Variants in QTRT1 observed in about 807,000 individuals in gnomAD.
The protein encoded by QTRT1 is TGT, 43-KD subunit.
In QTRT1, 41 loss-of-function variants were observed where a neutral mutation model predicts 44.0. That is an observed-to-expected ratio of 0.93 (90% confidence interval 0.73 to 1.21). The LOEUF is 1.21. QTRT1 is among the 50% of genes most tolerant of loss of function. The pLI, the probability that QTRT1 is intolerant of heterozygous loss-of-function variation, is 0.00. For synonymous variants in QTRT1, 226 were observed against 237.1 expected, an observed-to-expected ratio of 0.95 and a Z score of 0.43; for missense variants, 542 against 575.8, an observed-to-expected ratio of 0.94 and a Z score of 0.60.
At position 10,707,563 on chromosome 19, in the gene QTRT1, C is replaced by T. The variant is rs759779117; in HGVS notation, c.594C>T (p.Phe198=). The change falls in exon 5 of 10, where the codon TTC becomes TTT. Residue 198 remains phenylalanine, a synonymous_variant. Coordinates refer to ENST00000250237, the MANE Select transcript of QTRT1 (RefSeq NM_031209.3). ...AGCGGCCGGACAAGCAGAACCTCTT[C>T]GCCATTATCCAGGGTGGGCTGGACG... ...AHQRPDKQNL[F]AIIQGGLDAD... The T allele has an allele frequency of 5.0e-6, 8 of 1,612,546 alleles. No individual in the cohort carries two copies. Among genetic ancestry groups the T allele is most frequent in the Admixed American group, 1.7e-5 (1 of 59,930 alleles).
chr19:10,712,435 G>A lies in QTRT1; in HGVS notation c.786-118G>A, dbSNP rs1248593941. 2 of 1,440,388 alleles carry A rather than the reference G, an allele frequency of 1.4e-6. No individual in the cohort carries two copies. The highest frequency in any genetic ancestry group is 1.9e-6 in the Non-Finnish European group (2 of 1,034,330). 89.2% of individuals were successfully genotyped at this position (1,440,388 alleles called of 1,614,324 possible). A position where few individuals can be genotyped will look rare whatever the true frequency, so the allele number is the denominator to read the frequency against. The stretch of plus-strand genomic sequence containing the variant: ...CTGAGGAGACTAGGAAGACATGGCT[G>A]TCCCTTGGGGGCCATTCTGAGGGAA... On this transcript the variant is annotated intron_variant, in intron 6 of 9. Transcript: ENST00000250237. This position sits in a 1 kb window ranked among gnomAD's most constrained non-coding sequence, Gnocchi z 5.6.
rs962252182 is a variant in QTRT1, at chr19:10,712,218, G to A, written c.704G>A (p.Ser235Asn). 6.2e-7 allele frequency: 1 copy of A among 1,613,902 alleles called. No individual in the cohort carries two copies. The highest frequency in any genetic ancestry group is 8.5e-7 in the Non-Finnish European group (1 of 1,180,052). The stretch of plus-strand genomic sequence containing the variant: ...ATCGGGGGCCTGAGCGGGGGTGAGA[G>A]CAAGTCGCAGTTCTGGCGGATGGTG... ...FAIGGLSGGE[S>N]KSQFWRMVAL... Residue 235 changes from serine (S) to asparagine (N), a missense_variant, in exon 6 of 10, where the codon AGC becomes AAC. By Grantham distance (46) the Ser-to-Asn change is conservative (BLOSUM62 1). Coordinates refer to ENST00000250237, the MANE Select transcript of QTRT1 (RefSeq NM_031209.3). The surrounding 1 kb of genome is among the most constrained non-coding windows in gnomAD (Gnocchi z 5.6).
intron 3 of QTRT1, among the ~76,000 whole-genome samples, chr19:10,705,646 C>T (rs888659956): frequency 6.6e-6 from 1 of 151,834 alleles, no homozygotes; most frequent in South Asian, 2.1e-4. Flanking sequence ...AGCGATTCTC[C>T]TGCCTCAGCC....
At position 10,707,369 on chromosome 19, in the gene QTRT1, G is replaced by A; in HGVS notation, c.519G>A (p.Glu173=). ...CTGTGACTGGGCCACGTGTGGAGGA[G>A]GCCATGTACAGGTGTGTATATGCTG... The part of the protein sequence containing the change: ...SSTVTGPRVE[E]AMYRSIRWLD... The change falls in exon 4 of 10, where the codon GAG becomes GAA. Residue 173 remains glutamate (E), a synonymous_variant. Coordinates refer to ENST00000250237, the MANE Select transcript of QTRT1 (RefSeq NM_031209.3). 1 of 1,613,980 alleles carries A rather than the reference G, an allele frequency of 6.2e-7. No homozygotes were observed. The highest frequency in any genetic ancestry group is 8.5e-7 in the Non-Finnish European group (1 of 1,179,942).
At chr19:10,701,806 A>G in intron 1 of QTRT1, 103 bp downstream of exon 1, 2 of 1,566,902 alleles carry the variant, frequency 1.3e-6, no homozygotes, top group Non-Finnish European at 1.7e-6. Context: ...TCAATCGACC[A>G]GCTGTATTGA....
intron 3 of QTRT1, among the ~76,000 whole-genome samples, chr19:10,705,231 G>A (rs1055717812): frequency 4.2e-5 from 6 of 142,198 alleles, no homozygotes; most frequent in African/African-American, 7.9e-5. Flanking sequence ...TTATTTTTTC[G>A]TCTTTTCTTT....
rs757171647 is a variant in QTRT1, at chr19:10,712,521, T to C, written c.786-32T>C. The C allele has an allele frequency of 1.1e-5, 18 of 1,598,938 alleles. No homozygotes were observed. The East Asian group carries it at 3.8e-4, about 34-fold the overall frequency. On this transcript the variant is annotated intron_variant, in intron 6 of 9. Transcript: ENST00000250237. This position sits in a 1 kb window ranked among gnomAD's most constrained non-coding sequence, Gnocchi z 5.6. Reference sequence around the variant, plus strand: ...GGGCCCTGGGAAGCCCCTGAGGTTCTCTGCCCCCTCCCGTCATGGCTGCAA... The same window carrying C: ...GGGCCCTGGGAAGCCCCTGAGGTTCCCTGCCCCCTCCCGTCATGGCTGCAA...
At chr19:10,703,132 C>T (rs926186427) in intron 3 of QTRT1, among the ~76,000 whole-genome samples, 2 of 136,342 alleles carry the variant, frequency 1.5e-5, no homozygotes, top group Non-Finnish European at 3.0e-5. Flanking sequence ...GTGTGATATC[C>T]AGTCACTGCA....
rs1475620625 is a variant in QTRT1, at chr19:10,707,564, G to A, written c.595G>A (p.Ala199Thr). 1.1e-5 allele frequency: 17 copies of A among 1,612,444 alleles called. No individual in the cohort carries two copies. The highest frequency in any genetic ancestry group is 1.4e-5 in the Non-Finnish European group (16 of 1,179,402). ...HQRPDKQNLF[A>T]IIQGGLDADL... ...GCGGCCGGACAAGCAGAACCTCTTC[G>A]CCATTATCCAGGGTGGGCTGGACGC... Residue 199 changes from alanine to threonine, a missense_variant, in exon 5 of 10, where the codon GCC becomes ACC. Coordinates refer to ENST00000250237, the MANE Select transcript of QTRT1 (RefSeq NM_031209.3).
intron 3 of QTRT1, among the ~76,000 whole-genome samples, chr19:10,704,934 G>C (rs887943664): frequency 1.0e-4 from 12 of 116,410 alleles, no homozygotes; most frequent in Non-Finnish European, 1.8e-4. Context: ...TTTTTTTTTT[G>C]ATGTGGAATC....
Position 10,712,122 on chromosome 19 carries a change from T to G in QTRT1, c.647-39T>G, listed in dbSNP as rs768708521. ...TTCTGGGATTGAAGACCAGGCGCAT[T>G]TCCTCTTCTGTGGCCCTCACCTTAC... On this transcript the variant is annotated intron_variant, in intron 5 of 9. Transcript: ENST00000250237. This position sits in a 1 kb window ranked among gnomAD's most constrained non-coding sequence, Gnocchi z 5.6. The G allele has an allele frequency of 1.7e-5, 28 of 1,609,900 alleles. No individual in the cohort carries two copies. The East Asian group carries it at 6.2e-4, about 36-fold the overall frequency.
Position 10,707,330 on chromosome 19 carries a change from C to T in QTRT1, c.480C>T (p.Asp160=), listed in dbSNP as rs763105761. ...CGGACATCATCATGCAGCTGGACGACGTGGTTAGCAGTACTGTGACTGGGC... is the reference window on the plus strand; with the variant it reads ...CGGACATCATCATGCAGCTGGACGATGTGGTTAGCAGTACTGTGACTGGGC... ...LGSDIIMQLD[D]VVSSTVTGPR... The change falls in exon 4 of 10, where the codon GAC becomes GAT. Residue 160 remains aspartate (D), a synonymous_variant. Transcript: ENST00000250237. 25 of 1,614,150 alleles carry T rather than the reference C, an allele frequency of 1.5e-5. No homozygotes were observed. The Middle Eastern group carries it at 6.6e-4, about 43-fold the overall frequency.
intron 3 of QTRT1, among the ~76,000 whole-genome samples, chr19:10,706,248 AC>A (rs1291119032): frequency 6.6e-6 from 1 of 152,014 alleles, no homozygotes; most frequent in Non-Finnish European, 1.5e-5. Context: ...GTGGTCTCGA[AC>A]TCCTGGGCTC....
chr19:10,712,077 G>A lies in QTRT1; in HGVS notation c.647-84G>A. ...TCTGACTCTCTCCCTGAGCGACTCT[G>A]GAAGTCTGGGCAGGGTGTGTTCTGG... On this transcript the variant is annotated intron_variant, in intron 5 of 9. Transcript: ENST00000250237. The surrounding 1 kb of genome is among the most constrained non-coding windows in gnomAD (Gnocchi z 5.6). 5.1e-6 allele frequency: 8 copies of A among 1,559,598 alleles called. No homozygotes were observed. The highest frequency in any genetic ancestry group is 3.3e-5 in the South Asian group (3 of 90,066).
rs2068693508 is a variant in QTRT1 at position 10,702,232 on chromosome 19, C to T, written c.429C>T (p.Ser143=). The T allele has an allele frequency of 1.2e-6, 2 of 1,614,100 alleles. No individual in the cohort carries two copies. Among genetic ancestry groups the T allele is most frequent in the Middle Eastern group, 1.7e-4 (1 of 6,036 alleles). The change falls in exon 3 of 10, where the codon TCC becomes TCT. Residue 143 remains serine (S), a synonymous_variant. Transcript: ENST00000250237. The part of the protein sequence containing the change: ...GNETLLSPEK[S]VQIQNALGSD... ...AGACCCTGCTGAGCCCGGAGAAATC[C>T]GTGCAGATCCAGAATGCGCTGGGTG... is the stretch of plus-strand genomic sequence containing the variant.
intron 3 of QTRT1, among the ~76,000 whole-genome samples, chr19:10,703,183 C>T (rs1176540532): frequency 1.3e-5 from 2 of 151,064 alleles, no homozygotes; most frequent in Non-Finnish European, 2.9e-5. Flanking sequence ...CTGCCTCAGC[C>T]TGCTGAGTAG....
At chr19:10,701,887 T>G in intron 1 of QTRT1, 63 bp from the exon 2 acceptor site, 1 of 1,597,098 alleles carries the variant, frequency 6.3e-7, no homozygotes, top group Non-Finnish European at 8.6e-7. Flanking sequence ...CAGATCTGTC[T>G]CCCAAGAAGG....
chr19:10,702,171 A>C lies in QTRT1; in HGVS notation c.368A>C (p.Glu123Ala). ...SLVSLSEVTE[E>A]GVRFRSPYDG... Reference sequence around the variant, plus strand: ...GTGTCTCTGTCCGAGGTGACGGAGGAGGGCGTCCGCTTCCGCTCCCCCTAC... The same window carrying C: ...GTGTCTCTGTCCGAGGTGACGGAGGCGGGCGTCCGCTTCCGCTCCCCCTAC... Residue 123 changes from glutamate (E) to alanine (A), a missense_variant, in exon 3 of 10, where the codon GAG becomes GCG. Coordinates refer to ENST00000250237, the MANE Select transcript of QTRT1 (RefSeq NM_031209.3). 6.2e-7 allele frequency: 1 copy of C among 1,613,928 alleles called. No homozygotes were observed. The highest frequency in any genetic ancestry group is 8.5e-7 in the Non-Finnish European group (1 of 1,179,988).
Position 10,713,065 on chromosome 19 carries a change from G to A in QTRT1, c.1059+25G>A. The A allele has an allele frequency of 6.2e-7, 1 of 1,609,380 alleles. No individual in the cohort carries two copies. On this transcript the variant is annotated intron_variant, in intron 9 of 9. Transcript: ENST00000250237. The surrounding 1 kb of genome is among the most constrained non-coding windows in gnomAD (Gnocchi z 4.3). ...GGTGAGCCAGTGCCCGGGGCAAGGT[G>A]GGCGGGGGTGTCCTAGGTGCGTATG...
Sources: allele counts gnomAD v4.1 joint callset (sites outside exome capture counted in the v4.1 genomes callset), GRCh38; gene constraint gnomAD v4.1.1; non-coding constraint Gnocchi (gnomAD v3.1); transcripts MANE v1.5; gene names NCBI Gene and HGNC (gene_info 2026-07-23, HGNC 2026-07-21).